IPP: variants seen among roughly 807,000 people sequenced by gnomAD.
IPP encodes intracisternal A particle-promoted polypeptide, also known as actin-binding protein IPP.
IPP carries 41 observed loss-of-function variants against 64.1 expected under a neutral mutation model. The ratio of observed to expected loss-of-function variants is 0.64; its 90% confidence interval spans 0.50 to 0.83. The LOEUF is 0.83. Among genes scored for constraint, IPP ranks in the 40% least tolerant of loss-of-function variants. The probability of loss-of-function intolerance (pLI) is 0.00; values close to 1 mark genes in which losing one functional copy is unlikely to be tolerated. For synonymous variants in IPP, 214 were observed against 235.2 expected (o/e 0.91, Z 0.83); for missense variants, 649 against 703.0 (o/e 0.92, Z 0.87).
Position 45,719,128 on chromosome 1 carries a change from T to C in IPP, c.1186+75A>G. 5 of 1,399,062 alleles carry C rather than the reference T, an allele frequency of 3.6e-6. No individual in the cohort carries two copies. The Middle Eastern group carries it at 5.3e-4, about 148-fold the overall frequency. 86.7% of individuals were successfully genotyped at this position (1,399,062 alleles called of 1,614,324 possible). A position where few individuals can be genotyped will look rare whatever the true frequency, so the allele number is the denominator to read the frequency against. On this transcript the variant is annotated intron_variant, in intron 6 of 8. Coordinates refer to ENST00000396478, the MANE Select transcript of IPP (RefSeq NM_005897.3). Reference sequence around the variant, plus strand: ...TGTGCCCCATAAATATATATACCTATTATGTATCCACAAAAATGAAAATTA... The same window carrying C: ...TGTGCCCCATAAATATATATACCTACTATGTATCCACAAAAATGAAAATTA...
intron 8 of IPP, among the ~76,000 whole-genome samples, chr1:45,705,532 G>A (rs374211932): frequency 5.9e-5 from 9 of 152,272 alleles, no homozygotes; most frequent in African/African-American, 1.9e-4. Flanking sequence ...GGCCAGGTGC[G>A]GTGATGGCTC....
intron 4 of IPP, among the ~76,000 whole-genome samples, chr1:45,728,037 A>C (rs1018879217): frequency 6.6e-6 from 1 of 151,970 alleles, no homozygotes; most frequent in African/African-American, 2.4e-5. Context: ...ATGAAATATA[A>C]ATCTAGGCAC....
In IPP at chr1:45,746,323, A is replaced by G; in HGVS notation, c.89T>C (p.Met30Thr). The G allele has an allele frequency of 6.2e-7, 1 of 1,614,048 alleles. No homozygotes were observed. Among genetic ancestry groups the G allele is most frequent in the Non-Finnish European group, 8.5e-7 (1 of 1,179,896 alleles). Reference sequence around the variant, plus strand: ...ATCACAGAAATGCTGTCCATTTCTCATCTTATTGATTTGGGCCAAGATGAG... The same window carrying G: ...ATCACAGAAATGCTGTCCATTTCTCGTCTTATTGATTTGGGCCAAGATGAG... ...AQLILAQINK[M>T]RNGQHFCDVQ... is the part of the protein sequence containing the mutation. The change falls in exon 2 of 9, where the codon ATG becomes ACG. Residue 30 changes from methionine to threonine, a missense_variant. Physicochemically the swap from Met to Thr is moderately conservative, Grantham distance 81 (BLOSUM62 -1). Transcript: ENST00000396478.
chr1:45,711,826 A>C (rs1312915427), intron 8 of IPP, among the ~76,000 whole-genome samples: 2 of 152,196 alleles, frequency 1.3e-5, no homozygotes, highest in Non-Finnish European at 2.9e-5. Context: ...TCCATTCATT[A>C]AGAAGACATA....
intron 5 of IPP, among the ~76,000 whole-genome samples, chr1:45,723,103 A>G (rs1021969859): frequency 6.6e-6 from 1 of 152,206 alleles, no homozygotes; most frequent in African/African-American, 2.4e-5. Context: ...TCTCTAAATG[A>G]TGAATTTGGT....
chr1:45,700,355 C>A (rs893958379), intron 8 of IPP, among the ~76,000 whole-genome samples, 165 bp from the exon 9 acceptor site: 2 of 149,824 alleles, frequency 1.3e-5, no homozygotes, highest in African/African-American at 4.9e-5. Flanking sequence ...TTTGTTTTTT[C>A]CTTGGAGACA....
chr1:45,709,484 G>C (rs545642200), intron 8 of IPP, among the ~76,000 whole-genome samples: 2 of 145,022 alleles, frequency 1.4e-5, no homozygotes, highest in East Asian at 4.1e-4. Context: ...CATGATGTGA[G>C]ATAGAAATGC....
Position 45,714,409 on chromosome 1 carries a change from T to G in IPP, c.1367A>C (p.Glu456Ala), listed in dbSNP as rs2148557086. 1 of 1,614,096 alleles carries G rather than the reference T, an allele frequency of 6.2e-7. No individual in the cohort carries two copies. Among genetic ancestry groups the G allele is most frequent in the Non-Finnish European group, 8.5e-7 (1 of 1,179,938 alleles). Residue 456 changes from glutamate to alanine, a missense_variant, in exon 8 of 9, where the codon GAA (glutamate) becomes GCA (alanine). By Grantham distance (107) the Glu-to-Ala change is moderately radical. Coordinates refer to ENST00000396478, the MANE Select transcript of IPP (RefSeq NM_005897.3). ...SNEGIELRSFEVYDPLSKRWS... is the reference protein window; with the variant it reads ...SNEGIELRSFAVYDPLSKRWS... ...ACGCTTAGAAAGTGGATCATAGACT[T>G]CAAAAGAACGAAGTTCTATTCCTTC...
intron 8 of IPP, among the ~76,000 whole-genome samples, chr1:45,708,631 A>G (rs1174756989): frequency 2.0e-5 from 3 of 147,574 alleles, no homozygotes; most frequent in African/African-American, 7.5e-5. Context: ...GTGAGCCAAA[A>G]TCGCACCACT....
In IPP at chr1:45,716,972, T is replaced by C. The variant is rs1557744599; in HGVS notation, c.1232A>G (p.Asp411Gly). ...AEIGNTIERF[D>G]PDENKWEVVG... ...TACTTCCCATTTATTTTCATCAGGATCAAATCGTTCAATGGTGTTCCCTAT... is the reference window on the plus strand; with the variant it reads ...TACTTCCCATTTATTTTCATCAGGACCAAATCGTTCAATGGTGTTCCCTAT... Residue 411 changes from aspartate (D) to glycine (G), a missense_variant, in exon 7 of 9, where the codon GAT (aspartate) becomes GGT (glycine). Coordinates refer to ENST00000396478, the MANE Select transcript of IPP (RefSeq NM_005897.3). The C allele has an allele frequency of 6.2e-7, 1 of 1,613,184 alleles. No homozygotes were observed. Among genetic ancestry groups the C allele is most frequent in the Non-Finnish European group, 8.5e-7 (1 of 1,179,312 alleles).
At chr1:45,715,118 G>A (rs574657331) in intron 7 of IPP, among the ~76,000 whole-genome samples, 10 of 150,164 alleles carry the variant, frequency 6.7e-5, no homozygotes, top group East Asian at 3.9e-4. Context: ...TGGCTTGAGC[G>A]TGGGAGGCAG....
At chr1:45,737,883 C>T (rs1646001304) in intron 3 of IPP, among the ~76,000 whole-genome samples, 1 of 152,178 alleles carries the variant, frequency 6.6e-6, no homozygotes, top group Non-Finnish European at 1.5e-5. Flanking sequence ...CTCATATCAT[C>T]ACCAGAAGGG....
chr1:45,707,524 CAT>C (rs1165367292), intron 8 of IPP, among the ~76,000 whole-genome samples: 1 of 149,530 alleles, frequency 6.7e-6, no homozygotes, highest in Non-Finnish European at 1.5e-5. Flanking sequence ...AAACAGAAGA[CAT>C]AAGAAAACAG....
At chr1:45,698,612 A>T, downstream of IPP, 1 of 900,966 alleles carries the variant, frequency 1.1e-6, no homozygotes, top group African/African-American at 1.8e-5. Flanking sequence ...CCCAAGTACA[A>T]ATAAATTTTA....
chr1:45,712,962 A>T (rs1645610778), intron 8 of IPP, among the ~76,000 whole-genome samples: 1 of 151,628 alleles, frequency 6.6e-6, no homozygotes, highest in Admixed American at 6.6e-5. Context: ...TGACCTAAAA[A>T]ATATTTTAAT....
chr1:45,743,931 C>T (rs1169006457), intron 2 of IPP, among the ~76,000 whole-genome samples: 3 of 151,280 alleles, frequency 2.0e-5, no homozygotes, highest in Non-Finnish European at 4.4e-5. Context: ...GCAGGAGAAT[C>T]GCTTGAAACT....
intron 6 of IPP, among the ~76,000 whole-genome samples, chr1:45,718,714 T>A (rs1645692504): frequency 6.6e-6 from 1 of 152,152 alleles, no homozygotes; most frequent in Non-Finnish European, 1.5e-5. Flanking sequence ...TCCAAAGTCA[T>A]CAGAACCCAA....
At chr1:45,724,861 G>T (rs1025112391) in intron 5 of IPP, among the ~76,000 whole-genome samples, 1 of 150,646 alleles carries the variant, frequency 6.6e-6, no homozygotes, top group Admixed American at 6.6e-5. Context: ...GTCTCCGCCC[G>T]GCAGCCACCC....
chr1:45,704,173 T>TA, intron 8 of IPP, among the ~76,000 whole-genome samples: 4 of 152,154 alleles, frequency 2.6e-5, no homozygotes, highest in Admixed American at 2.6e-4. Flanking sequence ...GCTGGTATGG[T>TA]AAGAAAATTG....
Sources: allele counts gnomAD v4.1 joint callset (sites outside exome capture counted in the v4.1 genomes callset), GRCh38; gene constraint gnomAD v4.1.1; transcripts MANE v1.5; gene names NCBI Gene and HGNC (gene_info 2026-07-23, HGNC 2026-07-21).